The following FGF12 variants were observed in gnomAD, a reference collection of about 807,000 sequenced individuals.
FGF12 encodes fibroblast growth factor 12B.
Under a neutral mutation model 23.6 loss-of-function variants are expected in FGF12, and 14 were observed. The observed-to-expected ratio is 0.59, with a 90% CI of 0.39 to 0.93. The LOEUF (loss-of-function observed/expected upper bound fraction) is 0.93. Ranked by LOEUF, FGF12 falls within the 40% of genes least tolerant of loss-of-function variation. The pLI, the probability that FGF12 is intolerant of heterozygous loss-of-function variation, is 0.00. For missense variants in FGF12, 175 were observed against 217.8 expected (o/e 0.80, Z 1.24); for synonymous variants, 62 against 77.3 (o/e 0.80, Z 1.04).
At chr3:192,576,284 G>A (rs1014623490) in intron 2 of FGF12, among the ~76,000 whole-genome samples, 10 of 152,086 alleles carry the variant, frequency 6.6e-5, no homozygotes, top group Non-Finnish European at 8.8e-5. Context: ...GATTTCATCC[G>A]CACAGCAACC....
intron 3 of FGF12, among the ~76,000 whole-genome samples, chr3:192,342,114 C>T (rs1271542122): frequency 6.6e-6 from 1 of 152,098 alleles, no homozygotes; most frequent in Non-Finnish European, 1.5e-5. Flanking sequence ...TTGAAGGTAC[C>T]AGAAACTTTT....
At chr3:192,644,262 A>G (rs1410199391) in intron 2 of FGF12, among the ~76,000 whole-genome samples, 1 of 152,172 alleles carries the variant, frequency 6.6e-6, no homozygotes, top group Non-Finnish European at 1.5e-5. Flanking sequence ...TAGTCTGAAC[A>G]TACCTTTGGA....
At chr3:192,287,722 T>C (rs1394405871) in intron 4 of FGF12, among the ~76,000 whole-genome samples, 1 of 152,056 alleles carries the variant, frequency 6.6e-6, no homozygotes, top group African/African-American at 2.4e-5. Flanking sequence ...ATACTTATTG[T>C]GTGCCAAGAA....
rs11327020 is a variant in FGF12 at position 192,200,161 on chromosome 3, C to CA, written c.229-29506dup. On this transcript the variant is annotated intron_variant, in intron 4 of 5. Transcript: ENST00000445105. ...GTGAAATCCCATCTCTAATAAAATA[C>CA]AAAAAAAAAAAAAAATAATTAGCCG... is the stretch of plus-strand genomic sequence containing the variant. Among the ~76,000 whole-genome samples, 440 of 127,802 alleles carry CA rather than the reference C, an allele frequency of 3.4e-3. 1 individual carries two copies. The highest frequency in any genetic ancestry group is 0.012 in the Middle Eastern group (3 of 260). 83.8% of individuals were successfully genotyped at this position (127,802 alleles called of 152,430 possible). A position where few individuals can be genotyped will look rare whatever the true frequency, so the allele number is the denominator to read the frequency against.
At chr3:192,517,663 G>T (rs1441321659) in intron 2 of FGF12, among the ~76,000 whole-genome samples, 1 of 152,180 alleles carries the variant, frequency 6.6e-6, no homozygotes, top group Non-Finnish European at 1.5e-5. Flanking sequence ...TTACTGTATA[G>T]TATGGACATT....
Position 192,285,207 on chromosome 3 carries a change from A to AGTTG in FGF12, c.228+50153_228+50154insCAAC, listed in dbSNP as rs1328563366. On this transcript the variant is annotated intron_variant, in intron 4 of 5. Transcript: ENST00000445105. ...CCATGACCCTTAGTAGTTGATAAGC[A>AGTTG]ATACCTGTGACAGTGGAATTATTAT... Among the ~76,000 whole-genome samples, 19 of 152,152 alleles carry AGTTG rather than the reference A, an allele frequency of 1.2e-4. No homozygotes were observed. The East Asian group carries it at 3.5e-3, about 28-fold the overall frequency.
chr3:192,632,441 T>C (rs771428959), intron 2 of FGF12, among the ~76,000 whole-genome samples: 5 of 152,170 alleles, frequency 3.3e-5, no homozygotes, highest in Admixed American at 6.5e-5. Context: ...ACTTACAAAA[T>C]TTTGTTGACA....
chr3:192,559,611 A>G (rs543557071), intron 2 of FGF12, among the ~76,000 whole-genome samples: 1 of 152,144 alleles, frequency 6.6e-6, no homozygotes, highest in Non-Finnish European at 1.5e-5. Context: ...AAACCTGCAC[A>G]TTGTGCACAT....
intron 2 of FGF12, among the ~76,000 whole-genome samples, chr3:192,440,295 C>T (rs1030584832): frequency 6.6e-6 from 1 of 152,082 alleles, no homozygotes; most frequent in Non-Finnish European, 1.5e-5. Context: ...ATTTTGAAAA[C>T]GTCACTCTGA....
intron 3 of FGF12, among the ~76,000 whole-genome samples, chr3:192,339,909 C>G (rs1717613202): frequency 6.6e-6 from 1 of 152,072 alleles, no homozygotes; most frequent in Non-Finnish European, 1.5e-5. Flanking sequence ...TGGGTTATGA[C>G]AAAAACACGT....
intron 2 of FGF12, among the ~76,000 whole-genome samples, chr3:192,608,582 T>C (rs1714433488): frequency 6.6e-6 from 1 of 152,158 alleles, no homozygotes; most frequent in Admixed American, 6.6e-5. Context: ...TCGTCTCATA[T>C]TTCAGGTCAG....
At chr3:192,428,758 A>G (rs1721765922) in intron 2 of FGF12, among the ~76,000 whole-genome samples, 1 of 152,200 alleles carries the variant, frequency 6.6e-6, no homozygotes. Flanking sequence ...GAGGGATTTT[A>G]TGAATCAATT....
intron 2 of FGF12, among the ~76,000 whole-genome samples, chr3:192,700,679 C>T (rs1189858602): frequency 6.6e-6 from 1 of 152,130 alleles, no homozygotes; most frequent in Non-Finnish European, 1.5e-5. Context: ...TTATAGAACC[C>T]TTCTTGGCTA....
At chr3:192,205,802 G>T (rs1717618619) in intron 4 of FGF12, among the ~76,000 whole-genome samples, 1 of 152,194 alleles carries the variant, frequency 6.6e-6, no homozygotes, top group Non-Finnish European at 1.5e-5. Flanking sequence ...GATAAGCGTG[G>T]AAGAAGATGA....
intron 2 of FGF12, among the ~76,000 whole-genome samples, chr3:192,510,467 T>C (rs1306945010): frequency 2.0e-5 from 3 of 152,148 alleles, no homozygotes; most frequent in Non-Finnish European, 2.9e-5. Context: ...ATCCAAAACA[T>C]TGACAACACT....
intron 4 of FGF12, among the ~76,000 whole-genome samples, chr3:192,227,832 T>C (rs1394777296): frequency 1.3e-5 from 2 of 152,096 alleles, no homozygotes; most frequent in Admixed American, 1.3e-4. Flanking sequence ...CAGCAAAAAA[T>C]AGAATTGACA....
At chr3:192,619,774 A>G (rs1253167803) in intron 2 of FGF12, among the ~76,000 whole-genome samples, 1 of 152,176 alleles carries the variant, frequency 6.6e-6, no homozygotes, top group African/African-American at 2.4e-5. Context: ...TCTTGAAAAA[A>G]TAATTAGGAA....
intron 2 of FGF12, among the ~76,000 whole-genome samples, chr3:192,438,090 A>G (rs6779518): frequency 0.57 from 87,271 of 152,034 alleles, 25,078 homozygotes; most frequent in African/African-American, 0.61. Flanking sequence ...TACATATTTT[A>G]CAAGTTACCA....
At chr3:192,688,429 C>A (rs372207462) in intron 2 of FGF12, among the ~76,000 whole-genome samples, 3 of 152,262 alleles carry the variant, frequency 2.0e-5, no homozygotes, top group African/African-American at 7.2e-5. Context: ...AAAGAATGCA[C>A]GCATCAAATG....
Sources: allele counts gnomAD v4.1 joint callset (sites outside exome capture counted in the v4.1 genomes callset), GRCh38; gene constraint gnomAD v4.1.1; transcripts MANE v1.5; gene names NCBI Gene and HGNC (gene_info 2026-07-23, HGNC 2026-07-21).